TUT7: variants seen among roughly 807,000 people sequenced by gnomAD.
TUT7 encodes the protein terminal uridylyltransferase 7.
TUT7 carries 33 observed loss-of-function variants against 165.9 expected under a neutral mutation model. The observed-to-expected ratio is 0.20, with a 90% CI of 0.15 to 0.27. The LOEUF (loss-of-function observed/expected upper bound fraction) is 0.27, where lower values mean the gene tolerates loss of function less well. TUT7 is among the 10% of genes least tolerant of loss of function. The pLI, the probability that TUT7 is intolerant of heterozygous loss-of-function variation, is 1.00. For missense variants in TUT7, 1,338 were observed against 1,762.3 expected, an observed-to-expected ratio of 0.76 and a Z score of 4.31; for synonymous variants, 552 against 608.1, an observed-to-expected ratio of 0.91 and a Z score of 1.36.
intron 17 of TUT7, among the ~76,000 whole-genome samples, chr9:86,312,254 G>A (rs1470373341): frequency 6.6e-6 from 1 of 151,218 alleles, no homozygotes; most frequent in East Asian, 2.0e-4. Context: ...GAGATGTGGG[G>A]AGCGCCTCTG....
intron 10 of TUT7, among the ~76,000 whole-genome samples, chr9:86,328,767 C>T (rs1830036412): frequency 6.6e-6 from 1 of 152,202 alleles, no homozygotes; most frequent in African/African-American, 2.4e-5. Context: ...GTCATGGGTT[C>T]TGAAGTAAAA....
rs771293279 is a variant in TUT7 at position 86,352,920 on chromosome 9, G to T, written c.280C>A (p.His94Asn). 3 of 1,614,052 alleles carry T rather than the reference G, an allele frequency of 1.9e-6. No homozygotes were observed. The highest frequency in any genetic ancestry group is 1.7e-6 in the Non-Finnish European group (2 of 1,180,042). ...AGCCATCTCTTACTCTGATCTTTGT[G>T]GCTGTCATTCATCCAAGCGGGTTGA... is the stretch of plus-strand genomic sequence containing the variant. The part of the protein sequence containing the change: ...YSQPAWMNDS[H>N]KDQSKRWLSD... The change falls in exon 2 of 27, where the codon CAC becomes AAC. Residue 94 changes from histidine (H) to asparagine (N), a missense_variant. Around this residue, in one of 7 missense-constraint regions of TUT7, gnomAD observed 434 missense variants for 480.8 expected, o/e 0.90. Transcript: ENST00000375963.
At chr9:86,330,889 T>G (rs915952930) in intron 10 of TUT7, among the ~76,000 whole-genome samples, 1 of 151,816 alleles carries the variant, frequency 6.6e-6, no homozygotes, top group Non-Finnish European at 1.5e-5. Flanking sequence ...TCTTTTTTTT[T>G]TTTGAGATGG....
At position 86,346,324 on chromosome 9, in the gene TUT7, C is replaced by G. The variant is rs375411108; in HGVS notation, c.677G>C (p.Arg226Thr). The stretch of plus-strand genomic sequence containing the variant: ...CCTTTTTAGCCTGTCAATGCAGTCT[C>G]TCTTCAGTCTCTCCTCAGCCTGCTG... Reference protein sequence around the residue: ...GLQQAEERLKRDCIDRLKRRP... With the variant: ...GLQQAEERLKTDCIDRLKRRP... Residue 226 changes from arginine to threonine, a missense_variant, in exon 3 of 27, where the codon AGA becomes ACA. Physicochemically the swap from Arg to Thr is moderately conservative, Grantham distance 71. This residue lies in a region of TUT7 where 434 missense variants were observed against 480.8 expected (regional missense o/e 0.90). Coordinates refer to ENST00000375963, the MANE Select transcript of TUT7 (RefSeq NM_024617.4). The G allele has an allele frequency of 6.2e-7, 1 of 1,613,974 alleles. No individual in the cohort carries two copies.
chr9:86,325,482 A>G lies in TUT7; in HGVS notation c.1641T>C (p.Pro547=). 2 of 1,613,974 alleles carry G rather than the reference A, an allele frequency of 1.2e-6. No individual in the cohort carries two copies. Among genetic ancestry groups the G allele is most frequent in the Non-Finnish European group, 1.7e-6 (2 of 1,179,914 alleles). The change falls in exon 12 of 27, where the codon CCT becomes CCC. Residue 547 remains proline (P), a synonymous_variant. Coordinates refer to ENST00000375963, the MANE Select transcript of TUT7 (RefSeq NM_024617.4). ...CCCAGAGCTGCCCAACTGGTACTGA[A>G]GGCTGGTGTTTCACATCCAATATTA... ...VSLILDVKHQ[P]SVPVGQLWVE...
rs1478531780 is a variant in TUT7, at chr9:86,328,360, T to C, written c.1588A>G (p.Thr530Ala). 3.7e-6 allele frequency: 6 copies of C among 1,601,694 alleles called. No individual in the cohort carries two copies. Among genetic ancestry groups the C allele is most frequent in the Non-Finnish European group, 5.1e-6 (6 of 1,174,802 alleles). The change falls in exon 11 of 27, where the codon ACG becomes GCG. Residue 530 changes from threonine (T) to alanine (A), a missense_variant. This residue lies in a region of TUT7 where 53 missense variants were observed against 46.3 expected (regional missense o/e 1.15). Transcript: ENST00000375963. The part of the protein sequence containing the change: ...GITKEEAPRE[T>A]PIKRGQVSLI... The stretch of plus-strand genomic sequence containing the variant: ...CAGACCTGTCCCCTTTTAATCGGCG[T>C]TTCTCTTGGTGCCTCTTCTTTTGTT...
chr9:86,307,574 T>A (rs1827628153), intron 22 of TUT7, among the ~76,000 whole-genome samples: 1 of 152,220 alleles, frequency 6.6e-6, no homozygotes, highest in African/African-American at 2.4e-5. Flanking sequence ...AAAAAATATT[T>A]CTTAGGTCAT....
chr9:86,300,124 C>T (rs1436426513), intron 26 of TUT7, among the ~76,000 whole-genome samples: 2 of 152,072 alleles, frequency 1.3e-5, no homozygotes, highest in Admixed American at 1.3e-4. Context: ...GGTATATGTC[C>T]CATGTGAGCA....
chr9:86,307,068 C>T (rs1187325102), intron 22 of TUT7, among the ~76,000 whole-genome samples: 2 of 151,972 alleles, frequency 1.3e-5, no homozygotes, highest in East Asian at 1.9e-4. Flanking sequence ...CTGAGGAGTT[C>T]GAAACTAGCC....
At position 86,322,919 on chromosome 9, in the gene TUT7, G is replaced by C. The variant is rs1829448275; in HGVS notation, c.2831C>G (p.Ser944Cys). The C allele has an allele frequency of 2.3e-5, 36 of 1,597,888 alleles. No homozygotes were observed. The highest frequency in any genetic ancestry group is 3.0e-5 in the Non-Finnish European group (35 of 1,174,932). ...TTTACTGAATTCATAAAAAAAATCA[G>C]ACTGATCCACAGGTGAATTTTTTTC... The part of the protein sequence containing the change: ...CEEKNSPVDQ[S>C]DFFYEFSKLI... Residue 944 changes from serine to cysteine, a missense_variant, in exon 13 of 27, where the codon TCT becomes TGT. Ser to Cys is a moderately radical substitution (Grantham distance 112). Coordinates refer to ENST00000375963, the MANE Select transcript of TUT7 (RefSeq NM_024617.4).
At chr9:86,305,097 A>C in intron 23 of TUT7, 95 bp downstream of exon 23, 1 of 1,313,820 alleles carries the variant, frequency 7.6e-7, no homozygotes, top group Non-Finnish European at 1.1e-6. Flanking sequence ...GGAGTTTGAG[A>C]CCAGCCTGGG....
At chr9:86,292,305 A>C (rs1210599814) in intron 26 of TUT7, among the ~76,000 whole-genome samples, 4 of 152,106 alleles carry the variant, frequency 2.6e-5, no homozygotes, top group Non-Finnish European at 5.9e-5. Context: ...AAAGAGTATA[A>C]AAAATGAACC....
At position 86,352,713 on chromosome 9, in the gene TUT7, C is replaced by G. The variant is rs1219910861; in HGVS notation, c.487G>C (p.Glu163Gln). ...CCTGCTTCCATTTCTGACGTGGTTT[C>G]TAGGCTTGTTAGGTCTTTATGAAAC... Reference protein sequence around the residue: ...RLFHKDLTSLETTSEMEAGSP... With the variant: ...RLFHKDLTSLQTTSEMEAGSP... Residue 163 changes from glutamate (E) to glutamine (Q), a missense_variant, in exon 2 of 27, where the codon GAA becomes CAA. Around this residue, in one of 7 missense-constraint regions of TUT7, gnomAD observed 434 missense variants for 480.8 expected, o/e 0.90. Coordinates refer to ENST00000375963, the MANE Select transcript of TUT7 (RefSeq NM_024617.4). 6 of 1,614,194 alleles carry G rather than the reference C, an allele frequency of 3.7e-6. No individual in the cohort carries two copies. Among genetic ancestry groups the G allele is most frequent in the African/African-American group, 1.3e-5 (1 of 75,058 alleles).
chr9:86,304,762 G>A (rs575866465), intron 24 of TUT7, 94 bp downstream of exon 24: 1 of 796,028 alleles, frequency 1.3e-6, no homozygotes, highest in South Asian at 1.8e-5. Context: ...TAGACTCACA[G>A]ACTTTCTAAA....
In TUT7 at chr9:86,341,342, G is replaced by A. The variant is rs531731780; in HGVS notation, c.1087-289C>T. On this transcript the variant is annotated intron_variant, in intron 6 of 26. Transcript: ENST00000375963. ...GCAAGTCTCAAAGTGGTAGCTGGAA[G>A]TTTGTCAAACTGCTAACAATATTAC... is the stretch of plus-strand genomic sequence containing the variant. 9.8e-5 allele frequency among the ~76,000 whole-genome samples: 15 copies of A among 152,330 alleles called. No individual in the cohort carries two copies. In the South Asian group the frequency reaches 2.9e-3, roughly 29 times the overall value.
At chr9:86,321,905 G>C (rs1452937701) in intron 14 of TUT7, among the ~76,000 whole-genome samples, 1 of 152,078 alleles carries the variant, frequency 6.6e-6, no homozygotes, top group African/African-American at 2.4e-5. Flanking sequence ...GGGAAACTGT[G>C]TCTCTACAAA....
intron 2 of TUT7, among the ~76,000 whole-genome samples, chr9:86,351,588 C>A (rs1564105351): frequency 6.6e-6 from 1 of 152,146 alleles, no homozygotes; most frequent in African/African-American, 2.4e-5. Flanking sequence ...AGATAAAAGA[C>A]GACCTTTTGG....
chr9:86,321,074 C>T lies in TUT7; in HGVS notation c.3028+1251G>A, dbSNP rs538275154. 2.6e-5 allele frequency among the ~76,000 whole-genome samples: 4 copies of T among 152,010 alleles called. No individual in the cohort carries two copies. In the South Asian group the frequency reaches 6.2e-4, roughly 24 times the overall value. On this transcript the variant is annotated intron_variant, in intron 14 of 26. Coordinates refer to ENST00000375963, the MANE Select transcript of TUT7 (RefSeq NM_024617.4). ...AGTAACTTGAATTTTAATTTTTGGC[C>T]GGGAGCGGTGGCTCACGCCTGTAAT...
chr9:86,317,342 T>C, intron 16 of TUT7, 66 bp from the exon 17 acceptor site: 2 of 1,278,078 alleles, frequency 1.6e-6, no homozygotes, highest in African/African-American at 1.5e-5. Flanking sequence ...CTGGCTATAG[T>C]TTCCATTACC....
Sources: gnomAD v4.1 joint callset for allele counts (sites outside exome capture counted in the v4.1 genomes callset) on GRCh38, gnomAD v4.1.1 for gene constraint, gnomAD v4.1.1 regional missense constraint, MANE v1.5 for transcripts, NCBI Gene and HGNC (gene_info 2026-07-23, HGNC 2026-07-21) for gene names.